Variants in FAM174A observed in about 807,000 individuals in gnomAD.
The protein encoded by FAM174A is membrane protein FAM174A.
A neutral mutation model predicts 14.3 loss-of-function variants in FAM174A; 14 were observed. That is an observed-to-expected ratio of 0.98 (90% confidence interval 0.65 to 1.53). FAM174A has a LOEUF of 1.53. FAM174A is among the 40% of genes most tolerant of loss of function. The pLI is 0.00. For missense variants in FAM174A, 241 were observed against 249.6 expected (o/e 0.97, Z 0.23); for synonymous variants, 108 against 111.4 (o/e 0.97, Z 0.19).
intron 1 of FAM174A, among the ~76,000 whole-genome samples, chr5:100,558,614 G>T (rs560994365): frequency 1.5e-4 from 23 of 152,216 alleles, no homozygotes; most frequent in African/African-American, 5.1e-4. Context: ...TTATGAATCT[G>T]GGTGGTCCTG....
In FAM174A at chr5:100,586,354, C is replaced by A; in HGVS notation, c.*170C>A. On this transcript the variant is annotated 3_prime_UTR_variant, in exon 3 of 3. Coordinates refer to ENST00000312637, the MANE Select transcript of FAM174A (RefSeq NM_198507.3). ...TAAATACCGTATCCTTTTATTATAT[C>A]TTTATATGTATAGAAGTACTCTGTT... The A allele has an allele frequency of 7.2e-6, 3 of 415,582 alleles. No homozygotes were observed. The highest frequency in any genetic ancestry group is 1.3e-5 in the Non-Finnish European group (3 of 224,946). The allele number at this position is 415,582 out of a possible 1,614,324, so 25.7% of individuals were successfully genotyped here. A position where few individuals can be genotyped will look rare whatever the true frequency, so the allele number is the denominator to read the frequency against.
At chr5:100,568,856 G>A (rs1249033919) in intron 2 of FAM174A, among the ~76,000 whole-genome samples, 1 of 151,830 alleles carries the variant, frequency 6.6e-6, no homozygotes, top group Non-Finnish European at 1.5e-5. Flanking sequence ...CTCCTCTTCA[G>A]TGTGCTCATA....
chr5:100,566,141 GATATATAT>G (rs60895683), intron 2 of FAM174A, among the ~76,000 whole-genome samples: 1,572 of 81,788 alleles, frequency 0.019, 43 homozygotes, highest in African/African-American at 0.043. Flanking sequence ...TGAAAAGTAT[GATATATAT>G]ATATATATAT....
intron 1 of FAM174A, among the ~76,000 whole-genome samples, chr5:100,556,781 C>T (rs1746393974): frequency 6.6e-6 from 1 of 152,100 alleles, no homozygotes. Context: ...GTGATTTTTG[C>T]ACACTGATTT....
chr5:100,571,048 G>A (rs1746767610), intron 2 of FAM174A, among the ~76,000 whole-genome samples: 1 of 151,422 alleles, frequency 6.6e-6, no homozygotes. Context: ...CTTTGTCATG[G>A]TACCCTTCTA....
intron 1 of FAM174A, among the ~76,000 whole-genome samples, chr5:100,542,858 G>T (rs954522478): frequency 4.6e-5 from 7 of 152,022 alleles, no homozygotes; most frequent in Admixed American, 2.0e-4. Context: ...GTGTGTGTGT[G>T]TGTGTGTATA....
chr5:100,561,953 T>C, intron 1 of FAM174A, 101 bp from the exon 2 acceptor site: 4 of 659,374 alleles, frequency 6.1e-6, no homozygotes, highest in Non-Finnish European at 9.1e-6. Flanking sequence ...ATTCTGATAT[T>C]GTTTGCTATG....
intron 1 of FAM174A, among the ~76,000 whole-genome samples, chr5:100,560,231 TG>T (rs971732704): frequency 6.6e-6 from 1 of 152,160 alleles, no homozygotes; most frequent in African/African-American, 2.4e-5. Context: ...CCTGTTTGCC[TG>T]GGTTTTTTAT....
At chr5:100,554,822 G>A (rs1158023069) in intron 1 of FAM174A, among the ~76,000 whole-genome samples, 1 of 151,998 alleles carries the variant, frequency 6.6e-6, no homozygotes, top group Non-Finnish European at 1.5e-5. Context: ...ATATTTTTAA[G>A]GGTGGTAAAC....
At chr5:100,538,429 A>G (rs1015812416) in intron 1 of FAM174A, among the ~76,000 whole-genome samples, 2 of 152,156 alleles carry the variant, frequency 1.3e-5, no homozygotes, top group African/African-American at 4.8e-5. Flanking sequence ...TATAATGAAT[A>G]TGTAGGTAAT....
chr5:100,577,257 T>C (rs1407177665), intron 2 of FAM174A, among the ~76,000 whole-genome samples: 2 of 152,082 alleles, frequency 1.3e-5, no homozygotes, highest in Non-Finnish European at 2.9e-5. Context: ...ATAATAATTT[T>C]ATAATGATAT....
At chr5:100,585,266 C>T (rs186162725) in intron 2 of FAM174A, among the ~76,000 whole-genome samples, 251 of 152,124 alleles carry the variant, frequency 1.6e-3, no homozygotes, top group African/African-American at 5.7e-3. Flanking sequence ...CAAATAGCAC[C>T]ATGTATAGTC....
intron 1 of FAM174A, among the ~76,000 whole-genome samples, chr5:100,552,911 T>A (rs1322252514): frequency 6.6e-6 from 1 of 152,130 alleles, no homozygotes; most frequent in South Asian, 2.1e-4. Context: ...ATAGCTTTTT[T>A]CTTTTGCCGG....
intron 2 of FAM174A, among the ~76,000 whole-genome samples, chr5:100,566,550 GTA>G (rs1477348480): frequency 1.3e-5 from 2 of 151,716 alleles, no homozygotes; most frequent in African/African-American, 4.8e-5. Context: ...ATACAGTAGT[GTA>G]TACTTTTAAG....
chr5:100,544,145 T>G (rs1009459564), intron 1 of FAM174A, among the ~76,000 whole-genome samples: 3 of 152,142 alleles, frequency 2.0e-5, no homozygotes, highest in Non-Finnish European at 4.4e-5. Flanking sequence ...GCAAACTGCT[T>G]GAATCCAGGG....
chr5:100,582,404 CA>C (rs1488732962), intron 2 of FAM174A, among the ~76,000 whole-genome samples: 11 of 151,068 alleles, frequency 7.3e-5, no homozygotes, highest in African/African-American at 2.7e-4. Context: ...GATGTTTTTC[CA>C]ATGAAGTTCT....
intron 1 of FAM174A, among the ~76,000 whole-genome samples, chr5:100,561,000 A>G (rs1045831769): frequency 5.9e-5 from 9 of 151,966 alleles, no homozygotes; most frequent in African/African-American, 1.9e-4. Flanking sequence ...TCACTGTGCT[A>G]GGAAGTGGTT....
intron 2 of FAM174A, among the ~76,000 whole-genome samples, chr5:100,575,755 GA>G (rs1746891043): frequency 6.6e-6 from 1 of 152,140 alleles, no homozygotes; most frequent in African/African-American, 2.4e-5. Flanking sequence ...GGAACCTACA[GA>G]ATGGGAGAAA....
intron 2 of FAM174A, among the ~76,000 whole-genome samples, chr5:100,579,483 G>T (rs976971932): frequency 1.3e-4 from 19 of 152,000 alleles, no homozygotes; most frequent in African/African-American, 3.6e-4. Flanking sequence ...GGAGTGCGAT[G>T]GCACGATCTC....
Sources: gnomAD v4.1 joint callset for allele counts (sites outside exome capture counted in the v4.1 genomes callset) on GRCh38, gnomAD v4.1.1 for gene constraint, MANE v1.5 for transcripts, NCBI Gene and HGNC (gene_info 2026-07-23, HGNC 2026-07-21) for gene names.